The following CLDN18 variants were observed in gnomAD, a reference collection of about 807,000 sequenced individuals.
CLDN18 encodes the protein claudin 18, also known as claudin-18.
Under a neutral mutation model 25.0 loss-of-function variants are expected in CLDN18, and 20 were observed. That is an observed-to-expected ratio of 0.80 (90% CI 0.56 to 1.16). The LOEUF (loss-of-function observed/expected upper bound fraction) is 1.16. CLDN18 is among the 50% of genes most tolerant of loss of function. The pLI, the probability that CLDN18 is intolerant of heterozygous loss-of-function variation, is 0.00. For missense variants in CLDN18, 297 were observed against 345.4 expected, an observed-to-expected ratio of 0.86 and a Z score of 1.11; for synonymous variants, 125 against 135.6, an observed-to-expected ratio of 0.92 and a Z score of 0.54.
intron 1 of CLDN18, among the ~76,000 whole-genome samples, chr3:137,999,361 G>T (rs113334014): frequency 1.2e-4 from 18 of 152,266 alleles, no homozygotes; most frequent in African/African-American, 3.9e-4. Context: ...TCCTATGTGA[G>T]CAATGGCATA....
chr3:138,029,850 T>C lies in CLDN18; in HGVS notation c.557T>C (p.Leu186Pro), dbSNP rs776377104. 1 of 1,598,340 alleles carries C rather than the reference T, an allele frequency of 6.3e-7. No individual in the cohort carries two copies. The highest frequency in any genetic ancestry group is 1.1e-5 in the South Asian group (1 of 87,450). Residue 186 changes from leucine to proline, a missense_variant, in exon 4 of 5, where the codon CTA becomes CCA. Physicochemically the swap from Leu to Pro is moderately conservative, Grantham distance 98. Transcript: ENST00000183605. ...GGCTGGGTCGCTGGAGGCCTCACAC[T>C]AATTGGGGGTGTGATGATGTGCATC... Reference protein sequence around the residue: ...FVGWVAGGLTLIGGVMMCIAC... With the variant: ...FVGWVAGGLTPIGGVMMCIAC...
rs563535362 is a variant in CLDN18, at chr3:138,033,593, T to C, written c.*2452T>C. 1 of 152,382 alleles carries C rather than the reference T, an allele frequency of 6.6e-6. No individual in the cohort carries two copies. Among genetic ancestry groups the C allele is most frequent in the East Asian group, 1.9e-4 (1 of 5,194 alleles). 9.4% of individuals were successfully genotyped at this position (152,382 alleles called of 1,614,324 possible). A position where few individuals can be genotyped will look rare whatever the true frequency, so the allele number is the denominator to read the frequency against. On this transcript the variant is annotated 3_prime_UTR_variant, in exon 5 of 5. Coordinates refer to ENST00000183605, the MANE Select transcript of CLDN18 (RefSeq NM_016369.4). ...GTTGCTCTATCTTATTGTATATGCATTGAGTATTAACCTGAATGTTTTGTT... is the reference window on the plus strand; with the variant it reads ...GTTGCTCTATCTTATTGTATATGCACTGAGTATTAACCTGAATGTTTTGTT...
intron 1 of CLDN18, among the ~76,000 whole-genome samples, chr3:138,018,684 A>G (rs1337304697): frequency 1.3e-5 from 2 of 152,186 alleles, no homozygotes; most frequent in East Asian, 3.8e-4. Flanking sequence ...GGTACCTCCT[A>G]CAGACTTCAC....
chr3:138,010,147 C>T, upstream of CLDN18: 1 of 1,533,858 alleles, frequency 6.5e-7, no homozygotes, highest in Non-Finnish European at 8.8e-7. Context: ...GAGCTCCCCT[C>T]AGGAGCGCGT....
At chr3:138,020,479 A>T (rs929142578) in intron 1 of CLDN18, among the ~76,000 whole-genome samples, 2 of 152,220 alleles carry the variant, frequency 1.3e-5, no homozygotes, top group East Asian at 3.8e-4. Context: ...AGGCACTTTA[A>T]CAAGTTCTAC....
At chr3:138,016,991 G>A (rs1267219854) in intron 1 of CLDN18, among the ~76,000 whole-genome samples, 1 of 151,806 alleles carries the variant, frequency 6.6e-6, no homozygotes, top group East Asian at 1.9e-4. Context: ...AGGAGGCAGA[G>A]GTTGCAGTGA....
At chr3:138,015,921 C>T (rs1942197783) in intron 1 of CLDN18, among the ~76,000 whole-genome samples, 1 of 152,128 alleles carries the variant, frequency 6.6e-6, no homozygotes, top group African/African-American at 2.4e-5. Flanking sequence ...GTATAAACTA[C>T]AGATAGATTA....
intron 1 of CLDN18, among the ~76,000 whole-genome samples, chr3:138,015,350 TGTAAA>T (rs1942190660): frequency 6.6e-6 from 1 of 152,106 alleles, no homozygotes; most frequent in Non-Finnish European, 1.5e-5. Context: ...GAAACAGCTG[TGTAAA>T]GTATTTTCTT....
At chr3:138,007,616 T>A (rs1006988789), upstream of CLDN18, among the ~76,000 whole-genome samples, 1 of 152,154 alleles carries the variant, frequency 6.6e-6, no homozygotes, top group African/African-American at 2.4e-5. Context: ...GGCACATGTA[T>A]ACCTATGTAA....
At chr3:138,026,013 C>G (rs141957572) in intron 3 of CLDN18, among the ~76,000 whole-genome samples, 1 of 152,296 alleles carries the variant, frequency 6.6e-6, no homozygotes, top group East Asian at 1.9e-4. Flanking sequence ...TTCTGAAAGG[C>G]CTCCTGAACT....
intron 4 of CLDN18, among the ~76,000 whole-genome samples, chr3:138,030,192 C>T (rs1942371710): frequency 6.6e-6 from 1 of 152,204 alleles, no homozygotes; most frequent in African/African-American, 2.4e-5. Context: ...AGCAATTTCC[C>T]CCCCAGGGGA....
upstream of CLDN18, among the ~76,000 whole-genome samples, chr3:138,007,655 T>C (rs977015922): frequency 1.3e-5 from 2 of 151,426 alleles, no homozygotes; most frequent in East Asian, 3.9e-4. Context: ...ACATGTATCC[T>C]AGAACTTAAA....
upstream of CLDN18, among the ~76,000 whole-genome samples, chr3:138,007,361 C>G (rs1374686314): frequency 1.3e-5 from 2 of 152,072 alleles, no homozygotes; most frequent in Admixed American, 1.3e-4. Flanking sequence ...TACTATGCAG[C>G]CATAAAAAGG....
At position 138,031,016 on chromosome 3, in the gene CLDN18, A is replaced by T. The variant is rs754026762; in HGVS notation, c.661A>T (p.Lys221Ter). The T allele has an allele frequency of 8.1e-6, 13 of 1,614,030 alleles. No individual in the cohort carries two copies. Among genetic ancestry groups the T allele is most frequent in the African/African-American group, 1.3e-5 (1 of 74,930 alleles). The change falls in exon 5 of 5, where the codon AAG (lysine) becomes TAG (stop). Residue 221 changes from lysine (K) to a stop codon, truncating the protein, a stop_gained. Coordinates refer to ENST00000183605, the MANE Select transcript of CLDN18 (RefSeq NM_016369.4). LOFTEE classifies it high-confidence loss of function. ...TGCCTCAGGCCACAGTGTTGCCTACAAGCCTGGAGGCTTCAAGGCCAGCAC... is the reference window on the plus strand; with the variant it reads ...TGCCTCAGGCCACAGTGTTGCCTACTAGCCTGGAGGCTTCAAGGCCAGCAC... ...YHASGHSVAY[K>*]PGGFKASTGF...
At chr3:138,008,653 C>T (rs188872488), upstream of CLDN18, among the ~76,000 whole-genome samples, 6 of 152,096 alleles carry the variant, frequency 3.9e-5, no homozygotes, top group East Asian at 1.2e-3. Context: ...AAGCCAGGCA[C>T]AGTGAGTCAC....
At chr3:138,013,921 T>C (rs1942171060) in intron 1 of CLDN18, among the ~76,000 whole-genome samples, 1 of 151,966 alleles carries the variant, frequency 6.6e-6, no homozygotes, top group Non-Finnish European at 1.5e-5. Context: ...AGAGGAGGGG[T>C]TTAAGGTAAA....
upstream of CLDN18, among the ~76,000 whole-genome samples, chr3:138,005,594 C>T (rs1942060805): frequency 2.0e-5 from 3 of 152,108 alleles, no homozygotes; most frequent in South Asian, 6.2e-4. Context: ...CAAAAAGGCT[C>T]AAACTCAGTA....
upstream of CLDN18, among the ~76,000 whole-genome samples, chr3:138,008,261 GTGTA>G (rs1198033482): frequency 6.6e-6 from 1 of 152,014 alleles, no homozygotes; most frequent in Non-Finnish European, 1.5e-5. Context: ...GTGGGTGTGT[GTGTA>G]TGTTTCAGGG....
chr3:138,000,846 A>G (rs1158676185), intron 1 of CLDN18, among the ~76,000 whole-genome samples: 3 of 152,234 alleles, frequency 2.0e-5, no homozygotes, highest in Non-Finnish European at 4.4e-5. Flanking sequence ...CACTGCAGAT[A>G]CGAAGTGCCC....
Sources: allele counts gnomAD v4.1 joint callset (sites outside exome capture counted in the v4.1 genomes callset), GRCh38; gene constraint gnomAD v4.1.1; transcripts MANE v1.5; gene names NCBI Gene and HGNC (gene_info 2026-07-23, HGNC 2026-07-21).